Variants in FER observed in about 807,000 individuals in gnomAD.
FER encodes the protein FER tyrosine kinase, also known as tyrosine-protein kinase Fer.
FER carries 63 observed loss-of-function variants against 111.0 expected under a neutral mutation model. That is an observed-to-expected ratio of 0.57 (90% CI 0.46 to 0.70). FER has a LOEUF of 0.70. Ranked by LOEUF, FER falls within the 30% of genes least tolerant of loss-of-function variation. The probability of loss-of-function intolerance (pLI) is 0.00; values close to 1 mark genes in which losing one functional copy is unlikely to be tolerated. For missense variants in FER, 914 were observed against 954.0 expected (o/e 0.96, Z 0.55); for synonymous variants, 327 against 313.9 (o/e 1.04, Z -0.44).
At chr5:108,959,130 T>C (rs996184404) in intron 12 of FER, 95 bp from the exon 13 acceptor site, 2 of 1,270,012 alleles carry the variant, frequency 1.6e-6, no homozygotes, top group East Asian at 2.4e-5. Flanking sequence ...TGTGCAATTA[T>C]AGTTTTTTTA....
chr5:108,921,035 A>G (rs1752949857), intron 10 of FER, among the ~76,000 whole-genome samples: 1 of 152,054 alleles, frequency 6.6e-6, no homozygotes, highest in Admixed American at 6.6e-5. Flanking sequence ...TATTCCCCAG[A>G]TCTTCGTATG....
chr5:108,757,769 A>G (rs922078893), intron 1 of FER, among the ~76,000 whole-genome samples: 1 of 152,226 alleles, frequency 6.6e-6, no homozygotes, highest in African/African-American at 2.4e-5. Flanking sequence ...TCTGACAAAT[A>G]TCTTAAAATG....
intron 3 of FER, among the ~76,000 whole-genome samples, chr5:108,806,607 C>T (rs7703860): frequency 0.088 from 13,428 of 152,268 alleles, 785 homozygotes; most frequent in African/African-American, 0.16. Flanking sequence ...CTTGCATCTG[C>T]GTGACCTGGA....
chr5:108,907,871 CAATT>C (rs1049585706), intron 10 of FER, among the ~76,000 whole-genome samples: 4 of 151,718 alleles, frequency 2.6e-5, no homozygotes, highest in Non-Finnish European at 5.9e-5. Flanking sequence ...ATTTAGACAT[CAATT>C]GATTGACACC....
At chr5:108,951,383 GA>G (rs1757722736) in intron 11 of FER, among the ~76,000 whole-genome samples, 1 of 152,066 alleles carries the variant, frequency 6.6e-6, no homozygotes, top group Admixed American at 6.6e-5. Context: ...GCTGTTACAG[GA>G]TACAGCCACT....
At chr5:108,856,343 A>G (rs1334616405) in intron 5 of FER, among the ~76,000 whole-genome samples, 2 of 152,022 alleles carry the variant, frequency 1.3e-5, no homozygotes, top group Admixed American at 6.5e-5. Flanking sequence ...TTTTTTTCCC[A>G]CTCATTATTC....
intron 5 of FER, among the ~76,000 whole-genome samples, chr5:108,866,099 ATAT>A (rs1276762839): frequency 6.6e-6 from 1 of 152,120 alleles, no homozygotes; most frequent in Non-Finnish European, 1.5e-5. Context: ...TATACCAAAA[ATAT>A]TATAAATCAT....
chr5:109,024,860 C>T (rs1244203718), intron 13 of FER, among the ~76,000 whole-genome samples: 1 of 151,618 alleles, frequency 6.6e-6, no homozygotes, highest in Admixed American at 6.6e-5. Context: ...TTCCCAGCAC[C>T]ATTTATTAAA....
chr5:108,879,701 A>AAAATATATATATATATAT, intron 8 of FER, among the ~76,000 whole-genome samples: 20 of 99,090 alleles, frequency 2.0e-4, no homozygotes, highest in African/African-American at 7.7e-4. Context: ...ATTAAAAAAA[A>AAAATATATATATATATAT]ATATATATAT....
intron 14 of FER, among the ~76,000 whole-genome samples, chr5:109,041,281 A>G (rs1771144714): frequency 6.6e-6 from 1 of 152,166 alleles, no homozygotes; most frequent in South Asian, 2.1e-4. Context: ...ACAGATTAAC[A>G]GAGGAGCAAA....
chr5:108,878,236 T>C (rs1321582086), intron 8 of FER, among the ~76,000 whole-genome samples: 3 of 152,144 alleles, frequency 2.0e-5, no homozygotes, highest in African/African-American at 7.2e-5. Context: ...CAATTAAATC[T>C]TTAAAAATTA....
chr5:108,982,205 T>C (rs1316559345), intron 13 of FER, among the ~76,000 whole-genome samples: 1 of 152,028 alleles, frequency 6.6e-6, no homozygotes, highest in East Asian at 1.9e-4. Flanking sequence ...ATTTGGATGT[T>C]CCCTAAAGTT....
At chr5:109,058,881 C>T (rs1167861882) in intron 16 of FER, among the ~76,000 whole-genome samples, 1 of 151,310 alleles carries the variant, frequency 6.6e-6, no homozygotes, top group Non-Finnish European at 1.5e-5. Context: ...TATAGGAGCC[C>T]ACCACCATGC....
At chr5:109,016,972 C>A (rs1272280545) in intron 13 of FER, among the ~76,000 whole-genome samples, 1 of 151,962 alleles carries the variant, frequency 6.6e-6, no homozygotes. Flanking sequence ...TGTGAGGACA[C>A]AGTGGGAAGA....
intron 10 of FER, among the ~76,000 whole-genome samples, chr5:108,910,171 G>T (rs952186434): frequency 7.5e-4 from 114 of 152,144 alleles, no homozygotes; most frequent in African/African-American, 2.7e-3. Flanking sequence ...ATAAATTTTT[G>T]TAAGATATTT....
At chr5:109,128,840 C>T (rs908538480) in intron 17 of FER, among the ~76,000 whole-genome samples, 12 of 151,838 alleles carry the variant, frequency 7.9e-5, no homozygotes, top group African/African-American at 2.7e-4. Context: ...TAAAGTGTGT[C>T]TGGAAAAATA....
chr5:108,848,263 C>G (rs1388714004), intron 5 of FER, among the ~76,000 whole-genome samples: 1 of 152,150 alleles, frequency 6.6e-6, no homozygotes, highest in African/African-American at 2.4e-5. Flanking sequence ...ATAGTTATCT[C>G]TTTTGTTTCT....
rs531373512 is a variant in FER, at chr5:108,853,149, C to T, written c.482-14618C>T. On this transcript the variant is annotated intron_variant, in intron 5 of 19. Transcript: ENST00000281092. Reference sequence around the variant, plus strand: ...AGGGTAGAATTGATAATATAAACAGCGTGATCTGAACAGCACAAGGTAAAA... The same window carrying T: ...AGGGTAGAATTGATAATATAAACAGTGTGATCTGAACAGCACAAGGTAAAA... 3.9e-5 allele frequency among the ~76,000 whole-genome samples: 6 copies of T among 152,098 alleles called. No homozygotes were observed. The South Asian group carries it at 6.2e-4, about 16-fold the overall frequency.
chr5:108,888,771 GAGATTATGTCAT>G (rs1747563255), intron 9 of FER, among the ~76,000 whole-genome samples: 1 of 151,790 alleles, frequency 6.6e-6, no homozygotes, highest in Non-Finnish European at 1.5e-5. Context: ...TCATATATGA[GAGATTATGTCAT>G]AGATAAAGGC....
Sources: allele counts gnomAD v4.1 joint callset (sites outside exome capture counted in the v4.1 genomes callset), GRCh38; gene constraint gnomAD v4.1.1; transcripts MANE v1.5; gene names NCBI Gene and HGNC (gene_info 2026-07-23, HGNC 2026-07-21).